RANBP17: variants seen among roughly 807,000 people sequenced by gnomAD.
RANBP17 encodes RAN binding protein 17, also known as ran-binding protein 17.
Under a neutral mutation model 141.2 loss-of-function variants are expected in RANBP17, and 158 were observed. That is an observed-to-expected ratio of 1.12 (90% CI 0.98 to 1.28). RANBP17 has a LOEUF of 1.28. RANBP17 is among the 50% of genes most tolerant of loss of function. RANBP17 has a pLI of 0.00. For synonymous variants in RANBP17, 430 were observed against 450.0 expected (o/e 0.96, Z 0.56); for missense variants, 1,438 against 1,290.7 (o/e 1.11, Z -1.75).
intron 25 of RANBP17, among the ~76,000 whole-genome samples, chr5:171,270,044 A>G (rs899772680): frequency 6.6e-6 from 1 of 152,186 alleles, no homozygotes; most frequent in African/African-American, 2.4e-5. Context: ...CCAAATTGCA[A>G]AAGTTATCTC....
chr5:171,061,260 T>A (rs1168827381), intron 14 of RANBP17, among the ~76,000 whole-genome samples: 42 of 147,980 alleles, frequency 2.8e-4, no homozygotes, highest in South Asian at 6.4e-4. Flanking sequence ...TGTTAGGGTG[T>A]CAATTTTGGA....
chr5:170,874,014 G>A (rs1377816056), intron 1 of RANBP17, among the ~76,000 whole-genome samples: 1 of 152,046 alleles, frequency 6.6e-6, no homozygotes, highest in African/African-American at 2.4e-5. Context: ...TGCTGCTATA[G>A]GTACATCTCA....
At chr5:171,064,808 AC>A (rs1339788773) in intron 14 of RANBP17, among the ~76,000 whole-genome samples, 1 of 151,952 alleles carries the variant, frequency 6.6e-6, no homozygotes, top group Non-Finnish European at 1.5e-5. Flanking sequence ...GACATGAGTG[AC>A]CATGCCCAGC....
intron 14 of RANBP17, among the ~76,000 whole-genome samples, chr5:171,070,655 G>A (rs946160335): frequency 1.4e-4 from 21 of 152,088 alleles, no homozygotes; most frequent in African/African-American, 4.8e-4. Context: ...GTCTACTCAT[G>A]CATTACCCAT....
At chr5:171,221,191 A>C (rs1287725143) in intron 21 of RANBP17, among the ~76,000 whole-genome samples, 1 of 152,204 alleles carries the variant, frequency 6.6e-6, no homozygotes, top group Admixed American at 6.5e-5. Flanking sequence ...CTCATAGGTG[A>C]ACTTATGAGA....
At chr5:171,197,394 A>G (rs924570540) in intron 18 of RANBP17, among the ~76,000 whole-genome samples, 3 of 152,162 alleles carry the variant, frequency 2.0e-5, no homozygotes, top group Non-Finnish European at 4.4e-5. Context: ...TACTTATTTT[A>G]TAGATGAGGA....
At chr5:171,231,194 C>T (rs572034248) in intron 22 of RANBP17, among the ~76,000 whole-genome samples, 10 of 151,342 alleles carry the variant, frequency 6.6e-5, no homozygotes, top group Middle Eastern at 3.4e-3. Flanking sequence ...AGCAATCCTC[C>T]GCACTCAGCC....
chr5:171,250,251 A>G (rs1765472605), intron 24 of RANBP17, among the ~76,000 whole-genome samples: 1 of 152,220 alleles, frequency 6.6e-6, no homozygotes. Flanking sequence ...GCCACAAGAA[A>G]TGCTCAAGGG....
At chr5:171,129,207 A>C (rs1043034507) in intron 14 of RANBP17, among the ~76,000 whole-genome samples, 3 of 152,214 alleles carry the variant, frequency 2.0e-5, no homozygotes, top group African/African-American at 7.2e-5. Flanking sequence ...TCTAGCTGTC[A>C]TTGTTTCTGA....
rs755977628 is a variant in RANBP17, at chr5:171,241,088, T to A, written c.2583T>A (p.Asn861Lys). The part of the protein sequence containing the change: ...FKLYGDNHFD[N>K]VLQAFVKMLL... The stretch of plus-strand genomic sequence containing the variant: ...TGTATGGGGACAACCATTTTGACAA[T>A]GTACTCCAGGCTTTTGTCAAAATGC... The change falls in exon 23 of 28, where the codon AAT (asparagine) becomes AAA (lysine). Residue 861 changes from asparagine (N) to lysine (K), a missense_variant. Coordinates refer to ENST00000523189, the MANE Select transcript of RANBP17 (RefSeq NM_022897.5). 3.7e-6 allele frequency: 6 copies of A among 1,613,820 alleles called. No individual in the cohort carries two copies. The highest frequency in any genetic ancestry group is 4.2e-6 in the Non-Finnish European group (5 of 1,179,920).
chr5:171,179,874 C>CAA (rs1205837996), intron 16 of RANBP17, among the ~76,000 whole-genome samples: 2 of 152,144 alleles, frequency 1.3e-5, no homozygotes, highest in Non-Finnish European at 2.9e-5. Flanking sequence ...CAAGCAGCTA[C>CAA]TGAATTGTGT....
At chr5:171,016,332 C>CA (rs1780433186) in intron 14 of RANBP17, among the ~76,000 whole-genome samples, 1 of 151,906 alleles carries the variant, frequency 6.6e-6, no homozygotes, top group Non-Finnish European at 1.5e-5. Flanking sequence ...GAAAATTTTT[C>CA]AAAATTTCTA....
chr5:171,140,499 A>C (rs772364036), intron 14 of RANBP17, among the ~76,000 whole-genome samples: 18 of 152,228 alleles, frequency 1.2e-4, no homozygotes, highest in Non-Finnish European at 2.2e-4. Flanking sequence ...CTGTTAGCAG[A>C]GTTTGGGCTA....
At chr5:170,882,610 G>A (rs1043154621) in intron 3 of RANBP17, among the ~76,000 whole-genome samples, 1 of 152,148 alleles carries the variant, frequency 6.6e-6, no homozygotes, top group African/African-American at 2.4e-5. Flanking sequence ...CAGGCTTTTA[G>A]TCATTATCTT....
intron 14 of RANBP17, among the ~76,000 whole-genome samples, chr5:170,998,580 A>C (rs555045921): frequency 6.6e-6 from 1 of 152,268 alleles, no homozygotes; most frequent in South Asian, 2.1e-4. Context: ...CTTCTCATTA[A>C]ACAGTGTAAT....
At chr5:171,141,098 G>A (rs1051150838) in intron 14 of RANBP17, among the ~76,000 whole-genome samples, 1 of 151,912 alleles carries the variant, frequency 6.6e-6, no homozygotes, top group African/African-American at 2.4e-5. Flanking sequence ...AGAAACATTT[G>A]CAGAATCCCT....
At chr5:171,273,028 TA>T (rs897733579) in intron 25 of RANBP17, among the ~76,000 whole-genome samples, 2 of 152,240 alleles carry the variant, frequency 1.3e-5, no homozygotes, top group Non-Finnish European at 2.9e-5. Context: ...ACAGCTGTGT[TA>T]TAATGCCCTT....
At chr5:171,074,135 C>A (rs534147323) in intron 14 of RANBP17, among the ~76,000 whole-genome samples, 17 of 152,240 alleles carry the variant, frequency 1.1e-4, no homozygotes, top group African/African-American at 4.1e-4. Context: ...TCAGACTCCA[C>A]CTTAGTCAAG....
At chr5:171,148,209 A>G (rs1758204318) in intron 14 of RANBP17, among the ~76,000 whole-genome samples, 1 of 152,088 alleles carries the variant, frequency 6.6e-6, no homozygotes, top group African/African-American at 2.4e-5. Context: ...GTTAAGAGTC[A>G]TCACCAATCC....
Sources: gnomAD v4.1 joint callset for allele counts (sites outside exome capture counted in the v4.1 genomes callset) on GRCh38, gnomAD v4.1.1 for gene constraint, MANE v1.5 for transcripts, NCBI Gene and HGNC (gene_info 2026-07-23, HGNC 2026-07-21) for gene names.